ARL17A: variants seen among roughly 807,000 people sequenced by gnomAD.
ARL17A encodes the protein ADP-ribosylation factor-like 17-like.
At chr17:46,518,660 GAATTT>G (rs1413936666) in intron 3 of ARL17A, among the ~76,000 whole-genome samples, 1 of 58,928 alleles carries the variant, frequency 1.7e-5, no homozygotes, top group Non-Finnish European at 3.5e-5. Flanking sequence ...GATTACTCAT[GAATTT>G]AATTTAGTAT....
the ARL17A span, among the ~76,000 whole-genome samples, chr17:46,503,381 A>G: frequency 4.7e-5 from 7 of 148,812 alleles, 1 homozygote; most frequent in Admixed American, 3.3e-4. Flanking sequence ...TGTTCTGGGA[A>G]TGAAAAAAGA....
chr17:46,502,136 G>C, the ARL17A span, among the ~76,000 whole-genome samples: 2 of 151,136 alleles, frequency 1.3e-5, no homozygotes, highest in Admixed American at 1.3e-4. Flanking sequence ...ATAAGCTTTA[G>C]ATTTTGAGAA....
At chr17:46,575,374 G>A (rs2057769424) in intron 2 of ARL17A, among the ~76,000 whole-genome samples, 1 of 151,910 alleles carries the variant, frequency 6.6e-6, no homozygotes, top group Admixed American at 6.6e-5. Context: ...GTTGGTTTGA[G>A]CCAGAGTGAA....
At chr17:46,520,775 A>T (rs2052170180) in intron 3 of ARL17A, among the ~76,000 whole-genome samples, 1 of 42,944 alleles carries the variant, frequency 2.3e-5, no homozygotes, top group Admixed American at 2.4e-4. Context: ...AATTTCAAAA[A>T]GTTGGTTTAG....
chr17:46,535,065 C>A (rs8065240), intron 4 of ARL17A, among the ~76,000 whole-genome samples: 1 of 147,252 alleles, frequency 6.8e-6, no homozygotes, highest in African/African-American at 2.6e-5. Flanking sequence ...CAGTTATTTT[C>A]AAATTTTTTG....
At chr17:46,543,531 C>G (rs1398705278) in intron 3 of ARL17A, among the ~76,000 whole-genome samples, 1 of 150,854 alleles carries the variant, frequency 6.6e-6, no homozygotes, top group Non-Finnish European at 1.5e-5. Flanking sequence ...TATGAAGTTC[C>G]ATTGAGTGAT....
chr17:46,558,360 TGTTTTGG>T (rs2057397669), intron 3 of ARL17A, among the ~76,000 whole-genome samples: 1 of 106,000 alleles, frequency 9.4e-6, no homozygotes. Flanking sequence ...GCGCCTGGCT[TGTTTTGG>T]GTTTTGGGGT....
chr17:46,501,074 G>A, the ARL17A span, among the ~76,000 whole-genome samples: 1 of 151,292 alleles, frequency 6.6e-6, no homozygotes, highest in Admixed American at 6.6e-5. Flanking sequence ...AATTTTTTTA[G>A]AGACAGAATA....
chr17:46,502,416 C>A, the ARL17A span, among the ~76,000 whole-genome samples: 1 of 151,066 alleles, frequency 6.6e-6, no homozygotes, highest in African/African-American at 2.5e-5. Flanking sequence ...ATTCTCCTGT[C>A]TCAGCCTCCC....
At chr17:46,558,903 C>G (rs2057454463) in intron 3 of ARL17A, 1 of 107,896 alleles carries the variant, frequency 9.3e-6, no homozygotes, top group Non-Finnish European at 1.8e-5. Flanking sequence ...GTTTTGAACT[C>G]CTGGCCTCAA....
intron 3 of ARL17A, among the ~76,000 whole-genome samples, chr17:46,541,809 C>T (rs1256232713): frequency 6.6e-6 from 1 of 151,118 alleles, no homozygotes; most frequent in East Asian, 1.9e-4. Flanking sequence ...TGTATACAAA[C>T]ATTATGTCAT....
chr17:46,545,352 G>A (rs1213022655), intron 3 of ARL17A, among the ~76,000 whole-genome samples: 3 of 140,270 alleles, frequency 2.1e-5, no homozygotes, highest in Non-Finnish European at 3.0e-5. Flanking sequence ...TCAGGAGGCT[G>A]AATTTGGAGG....
intron 4 of ARL17A, among the ~76,000 whole-genome samples, chr17:46,529,042 A>G (rs77401978): frequency 0.87 from 51,993 of 59,498 alleles, 24,319 homozygotes; most frequent in East Asian, 1. Flanking sequence ...TTATTTTCAC[A>G]GCCTGCTTTG....
chr17:46,530,469 C>G (rs1396027937), intron 4 of ARL17A, among the ~76,000 whole-genome samples: 1 of 137,604 alleles, frequency 7.3e-6, no homozygotes, highest in African/African-American at 2.8e-5. Flanking sequence ...GGAGGGGGAT[C>G]ACAAGGCAGG....
At chr17:46,543,296 T>C in intron 3 of ARL17A, among the ~76,000 whole-genome samples, 1 of 150,532 alleles carries the variant, frequency 6.6e-6, no homozygotes, top group Non-Finnish European at 1.5e-5. Flanking sequence ...CTTTCATGTG[T>C]ATTGAAAAAT....
chr17:46,541,686 A>C (rs2055349590), intron 3 of ARL17A, among the ~76,000 whole-genome samples: 1 of 151,096 alleles, frequency 6.6e-6, no homozygotes, highest in South Asian at 2.1e-4. Context: ...TTTGGAAAAA[A>C]TAAAATATAT....
chr17:46,501,182 A>T, the ARL17A span, among the ~76,000 whole-genome samples: 3 of 151,076 alleles, frequency 2.0e-5, no homozygotes, highest in African/African-American at 7.4e-5. Context: ...ATGCCCAGCT[A>T]TATTGACTTG....
chr17:46,551,338 G>A (rs565856159), downstream of ARL17A, among the ~76,000 whole-genome samples: 1 of 150,540 alleles, frequency 6.6e-6, no homozygotes, highest in Admixed American at 6.6e-5. Flanking sequence ...TATTGGAAGA[G>A]TGATTTAATA....
At chr17:46,568,971 C>G (rs1302280241) in intron 3 of ARL17A, among the ~76,000 whole-genome samples, 3 of 102,080 alleles carry the variant, frequency 2.9e-5, no homozygotes, top group Non-Finnish European at 5.7e-5. Context: ...GAGATGGAGT[C>G]TCGCCCTGTC....
Sources: allele counts gnomAD v4.1 joint callset (sites outside exome capture counted in the v4.1 genomes callset), GRCh38; gene constraint gnomAD v4.1.1; transcripts MANE v1.5; gene names NCBI Gene and HGNC (gene_info 2026-07-23, HGNC 2026-07-21).